LMO7: variants seen among roughly 807,000 people sequenced by gnomAD.
The protein encoded by LMO7 is LIM domain 7.
Under a neutral mutation model 206.5 loss-of-function variants are expected in LMO7, and 120 were observed. The observed-to-expected ratio is 0.58, with a 90% CI of 0.50 to 0.68. LMO7 has a LOEUF of 0.68. Ranked by LOEUF, LMO7 falls within the 30% of genes least tolerant of loss-of-function variation. LMO7 has a pLI of 0.00. For synonymous variants in LMO7, 706 were observed against 681.5 expected (o/e 1.04, Z -0.56); for missense variants, 1,959 against 1,957.9 (o/e 1.00, Z -0.01).
intron 1 of LMO7, among the ~76,000 whole-genome samples, chr13:75,655,902 G>A (rs1008730466): frequency 6.6e-6 from 1 of 151,804 alleles, no homozygotes; most frequent in Non-Finnish European, 1.5e-5. Context: ...CCCATTTCTG[G>A]GCTGCCTTGT....
chr13:75,694,033 C>T (rs961002560), intron 1 of LMO7, among the ~76,000 whole-genome samples: 14 of 151,874 alleles, frequency 9.2e-5, no homozygotes, highest in Non-Finnish European at 1.5e-4. Flanking sequence ...AAACTATTTA[C>T]GAATACTTAC....
At chr13:75,636,229 G>A, upstream of LMO7, 1 of 944,914 alleles carries the variant, frequency 1.1e-6, no homozygotes, top group Non-Finnish European at 1.3e-6. Flanking sequence ...GGGAGGGGCA[G>A]ACGGAAGCGG....
chr13:75,675,980 G>A (rs2039980192), intron 1 of LMO7, among the ~76,000 whole-genome samples: 1 of 152,096 alleles, frequency 6.6e-6, no homozygotes, highest in Non-Finnish European at 1.5e-5. Context: ...GGGAAATTTT[G>A]TAATTGTTCC....
intron 1 of LMO7, among the ~76,000 whole-genome samples, chr13:75,683,374 T>C (rs937491714): frequency 6.6e-6 from 1 of 152,250 alleles, no homozygotes; most frequent in African/African-American, 2.4e-5. Context: ...AGGTCTAAGA[T>C]ACTTTTTGAT....
intron 17 of LMO7, 174 bp from the exon 18 acceptor site, chr13:75,835,059 T>A: frequency 1.4e-6 from 1 of 722,010 alleles, no homozygotes. Flanking sequence ...CTTGTATATG[T>A]AGATTTTTTT....
chr13:75,665,925 A>G (rs1331337202), intron 1 of LMO7, among the ~76,000 whole-genome samples: 1 of 152,214 alleles, frequency 6.6e-6, no homozygotes, highest in Non-Finnish European at 1.5e-5. Context: ...TACTCAGCTA[A>G]GTGTATTTTC....
chr13:75,636,165 G>C, upstream of LMO7: 2 of 359,394 alleles, frequency 5.6e-6, no homozygotes, highest in Non-Finnish European at 7.7e-6. Flanking sequence ...GGCATCTCCC[G>C]GGCCAGACAG....
At chr13:75,799,407 T>G (rs148410044) in intron 6 of LMO7, among the ~76,000 whole-genome samples, 1,582 of 152,334 alleles carry the variant, frequency 0.01, 31 homozygotes, top group African/African-American at 0.033. Context: ...TCCATCTATG[T>G]TTTTACTTAA....
At chr13:75,843,044 TGG>T in intron 25 of LMO7, 128 bp downstream of exon 25, 1 of 660,128 alleles carries the variant, frequency 1.5e-6, no homozygotes, top group Non-Finnish European at 2.7e-6. Context: ...GAGGAATTGC[TGG>T]TTGATCTTTG....
chr13:75,836,052 T>C (rs182358247), intron 18 of LMO7, among the ~76,000 whole-genome samples: 1 of 152,266 alleles, frequency 6.6e-6, no homozygotes, highest in East Asian at 1.9e-4. Context: ...CTATATTGTA[T>C]AAGAAATGTT....
chr13:75,774,390 G>A (rs2050119175), intron 4 of LMO7, among the ~76,000 whole-genome samples: 1 of 152,090 alleles, frequency 6.6e-6, no homozygotes, highest in African/African-American at 2.4e-5. Context: ...TTACTAAGCA[G>A]TATTTCCAAA....
At chr13:75,671,226 A>C (rs1196326873) in intron 1 of LMO7, among the ~76,000 whole-genome samples, 2 of 150,840 alleles carry the variant, frequency 1.3e-5, no homozygotes, top group Non-Finnish European at 3.0e-5. Context: ...TTTTTTAATA[A>C]GTACATTCTA....
intron 2 of LMO7, among the ~76,000 whole-genome samples, chr13:75,623,986 T>C (rs767923420): frequency 5.3e-5 from 8 of 152,212 alleles, no homozygotes; most frequent in Non-Finnish European, 8.8e-5. Context: ...AATTTTCAAA[T>C]AGAATGCTTT....
At chr13:75,640,538 C>T (rs2036431988) in intron 1 of LMO7, among the ~76,000 whole-genome samples, 1 of 152,290 alleles carries the variant, frequency 6.6e-6, no homozygotes, top group South Asian at 2.1e-4. Context: ...AAACCTCCAG[C>T]CCCACCCATT....
intron 15 of LMO7, among the ~76,000 whole-genome samples, chr13:75,828,245 A>T (rs904671512): frequency 6.6e-6 from 1 of 152,216 alleles, no homozygotes; most frequent in Non-Finnish European, 1.5e-5. Flanking sequence ...TCATTTAATT[A>T]TCTCAATAAC....
At chr13:75,691,486 A>C (rs1176456040) in intron 1 of LMO7, among the ~76,000 whole-genome samples, 2 of 152,146 alleles carry the variant, frequency 1.3e-5, no homozygotes, top group African/African-American at 2.4e-5. Context: ...AGTTTTCATC[A>C]TCAGCCTGAA....
chr13:75,621,719 T>A, exon 1 of LMO7: 1 of 1,598,110 alleles, frequency 6.3e-7, no homozygotes, highest in East Asian at 2.2e-5. Flanking sequence ...ATATGCCATA[T>A]TTTCACGTTT....
intron 1 of LMO7, among the ~76,000 whole-genome samples, chr13:75,681,527 A>G (rs1161196730): frequency 6.6e-6 from 1 of 151,728 alleles, no homozygotes; most frequent in African/African-American, 2.4e-5. Flanking sequence ...TCAGTCCAAC[A>G]GAATACAGCA....
At position 75,823,735 on chromosome 13, in the gene LMO7, T is replaced by C. The variant is rs747847589; in HGVS notation, c.2811T>C (p.Pro937=). ...AAGATGTGACAAGGCTGCCCTCTCC[T>C]ACATCCCCCTTCTCATCTCTTTCCC... The part of the protein sequence containing the change: ...TEEDVTRLPS[P]TSPFSSLSQD... Residue 937 remains proline, a synonymous_variant, in exon 15 of 31, where the codon CCT becomes CCC. Transcript: ENST00000377534. 6.1e-5 allele frequency: 99 copies of C among 1,614,034 alleles called. No individual in the cohort carries two copies. Among genetic ancestry groups the C allele is most frequent in the Non-Finnish European group, 8.3e-5 (98 of 1,180,016 alleles).
Sources: allele counts gnomAD v4.1 joint callset (sites outside exome capture counted in the v4.1 genomes callset), GRCh38; gene constraint gnomAD v4.1.1; transcripts MANE v1.5; gene names NCBI Gene and HGNC (gene_info 2026-07-23, HGNC 2026-07-21).